The following PAPPA variants were observed in gnomAD, a reference collection of about 807,000 sequenced individuals.
The protein encoded by PAPPA is pappalysin 1, also known as pappalysin-1.
PAPPA carries 60 observed loss-of-function variants against 164.0 expected under a neutral mutation model. The observed-to-expected ratio is 0.37, with a 90% CI of 0.30 to 0.45. The LOEUF is 0.45. Among genes scored for constraint, PAPPA ranks in the 20% least tolerant of loss-of-function variants. PAPPA has a pLI of 1.00. For synonymous variants in PAPPA, 875 were observed against 814.1 expected, an observed-to-expected ratio of 1.07 and a Z score of -1.27; for missense variants, 1,782 against 2,087.3, an observed-to-expected ratio of 0.85 and a Z score of 2.85.
intron 9 of PAPPA, among the ~76,000 whole-genome samples, chr9:116,276,847 C>T (rs745708246): frequency 3.3e-5 from 5 of 152,158 alleles, no homozygotes; most frequent in Non-Finnish European, 5.9e-5. Context: ...TCCCTCCCCT[C>T]CCCTGTGAGG....
intron 6 of PAPPA, among the ~76,000 whole-genome samples, chr9:116,228,564 C>T (rs915238177): frequency 3.9e-5 from 6 of 152,138 alleles, no homozygotes; most frequent in East Asian, 1.9e-4. Context: ...AGTTGAAAAA[C>T]GACGGCACTG....
intron 7 of PAPPA, among the ~76,000 whole-genome samples, chr9:116,258,680 A>G (rs2118796961): frequency 6.6e-6 from 1 of 152,276 alleles, no homozygotes; most frequent in East Asian, 1.9e-4. Context: ...CCCCGAAAAA[A>G]AAAATTATGA....
rs981771498 is a variant in PAPPA at position 116,254,648 on chromosome 9, G to T, written c.2733-11209G>T. Among the ~76,000 whole-genome samples the T allele has an allele frequency of 1.6e-4, 24 of 152,058 alleles. No individual in the cohort carries two copies. The East Asian group carries it at 4.5e-3, about 28-fold the overall frequency. On this transcript the variant is annotated intron_variant, in intron 7 of 21. Coordinates refer to ENST00000328252, the MANE Select transcript of PAPPA (RefSeq NM_002581.5). ...ATACAAAAAATTAGCCGGGCGTGGTGGTGGGCGCCTGTAATCCCAGCTACT... is the reference window on the plus strand; with the variant it reads ...ATACAAAAAATTAGCCGGGCGTGGTTGTGGGCGCCTGTAATCCCAGCTACT...
chr9:116,161,075 G>A (rs180864261), intron 1 of PAPPA, among the ~76,000 whole-genome samples: 4 of 152,298 alleles, frequency 2.6e-5, no homozygotes, highest in East Asian at 1.9e-4. Context: ...CACAGTGCAC[G>A]GGTCAGCATG....
At chr9:116,239,920 T>C (rs1463498840) in intron 7 of PAPPA, among the ~76,000 whole-genome samples, 1 of 152,130 alleles carries the variant, frequency 6.6e-6, no homozygotes, top group Admixed American at 6.5e-5. Context: ...TGTCTTGGTG[T>C]CCAATAACAC....
intron 7 of PAPPA, among the ~76,000 whole-genome samples, chr9:116,254,642 C>A (rs555967729): frequency 6.6e-6 from 1 of 151,688 alleles, no homozygotes; most frequent in East Asian, 2.0e-4. Context: ...ATTAGCCGGG[C>A]GTGGTGGTGG....
intron 14 of PAPPA, among the ~76,000 whole-genome samples, chr9:116,345,393 T>C (rs970122391): frequency 2.7e-5 from 4 of 148,418 alleles, no homozygotes; most frequent in Non-Finnish European, 4.4e-5. Flanking sequence ...GAAATATATG[T>C]AGTAGGCACA....
At chr9:116,367,836 T>C (rs1846522551) in intron 19 of PAPPA, 82 bp downstream of exon 19, 1 of 920,928 alleles carries the variant, frequency 1.1e-6, no homozygotes, top group Non-Finnish European at 1.7e-6. Flanking sequence ...GTCCCGGTTC[T>C]GAGTTCATTC....
intron 1 of PAPPA, among the ~76,000 whole-genome samples, chr9:116,179,257 A>C (rs367664746): frequency 2.0e-5 from 3 of 152,244 alleles, no homozygotes; most frequent in African/African-American, 7.2e-5. Flanking sequence ...CTTTCAGATA[A>C]CAGTTCCTGG....
At chr9:116,220,884 CAA>C (rs370389780) in intron 5 of PAPPA, among the ~76,000 whole-genome samples, 1 of 132,970 alleles carries the variant, frequency 7.5e-6, no homozygotes, top group Non-Finnish European at 1.6e-5. Context: ...AACTCTGTCT[CAA>C]AAAAAAAAGA....
chr9:116,195,740 T>C lies in PAPPA; in HGVS notation c.1478+7524T>C, dbSNP rs567199055. Among the ~76,000 whole-genome samples, 5 of 152,342 alleles carry C rather than the reference T, an allele frequency of 3.3e-5. No homozygotes were observed. The East Asian group carries it at 7.7e-4, about 24-fold the overall frequency. On this transcript the variant is annotated intron_variant, in intron 2 of 21. Transcript: ENST00000328252. ...CGATAGATCTTCTCGCTTCTTATTG[T>C]GCATATCCCGAAATTCTTAGCCCCT...
At position 116,260,784 on chromosome 9, in the gene PAPPA, C is replaced by T. The variant is rs78235449; in HGVS notation, c.2733-5073C>T. The stretch of plus-strand genomic sequence containing the variant: ...GGACAGAAAGAGGAAATGGCTTGTC[C>T]ATGGTCAATGAGTCAACGGTAGTAT... On this transcript the variant is annotated intron_variant, in intron 7 of 21. Coordinates refer to ENST00000328252, the MANE Select transcript of PAPPA (RefSeq NM_002581.5). Among the ~76,000 whole-genome samples, 682 of 152,160 alleles carry T rather than the reference C, an allele frequency of 4.5e-3. 2 individuals carry two copies. Among genetic ancestry groups the T allele is most frequent in the Non-Finnish European group, 7.3e-3 (495 of 68,006 alleles).
intron 5 of PAPPA, among the ~76,000 whole-genome samples, chr9:116,222,090 G>A (rs1490782759): frequency 6.6e-6 from 1 of 152,136 alleles, no homozygotes; most frequent in Non-Finnish European, 1.5e-5. Flanking sequence ...AAATAGAACT[G>A]CCATATAATC....
chr9:116,296,044 C>T (rs1186184179), intron 9 of PAPPA, among the ~76,000 whole-genome samples: 2 of 152,204 alleles, frequency 1.3e-5, no homozygotes, highest in Non-Finnish European at 2.9e-5. Flanking sequence ...TTATCTGTTG[C>T]TCATTCATTG....
chr9:116,398,020 C>T lies in PAPPA; in HGVS notation c.*1404C>T, dbSNP rs185096218. 135 of 153,040 alleles carry T rather than the reference C, an allele frequency of 8.8e-4. No individual in the cohort carries two copies. Among genetic ancestry groups the T allele is most frequent in the Middle Eastern group, 3.4e-3 (1 of 294 alleles). 9.5% of individuals were successfully genotyped at this position (153,040 alleles called of 1,614,324 possible). ...AGCACCAACAACTCAACATGGTCAT[C>T]ATGTTTTCTATATGGTTTTTCCAGC... On this transcript the variant is annotated 3_prime_UTR_variant, in exon 22 of 22. Transcript: ENST00000328252.
At chr9:116,342,639 G>A (rs1404098085) in intron 13 of PAPPA, among the ~76,000 whole-genome samples, 1 of 152,004 alleles carries the variant, frequency 6.6e-6, no homozygotes. Flanking sequence ...TCGTGAAACT[G>A]AGAGAAAACA....
At chr9:116,206,587 G>A (rs1032530261) in intron 2 of PAPPA, among the ~76,000 whole-genome samples, 17 of 152,116 alleles carry the variant, frequency 1.1e-4, no homozygotes, top group African/African-American at 2.9e-4. Context: ...AGCTTTGTGC[G>A]GAGAACTGGG....
intron 9 of PAPPA, among the ~76,000 whole-genome samples, chr9:116,289,795 T>C (rs1158884046): frequency 6.6e-6 from 1 of 152,206 alleles, no homozygotes; most frequent in Non-Finnish European, 1.5e-5. Context: ...GAGTTGCCAT[T>C]CTGTTTTAGA....
At position 116,362,642 on chromosome 9, in the gene PAPPA, C is replaced by T. The variant is rs1275755223; in HGVS notation, c.4398C>T (p.Gly1466=). Residue 1466 remains glycine, a synonymous_variant, in exon 18 of 22, where the codon GGC becomes GGT. Coordinates refer to ENST00000328252, the MANE Select transcript of PAPPA (RefSeq NM_002581.5). The part of the protein sequence containing the change: ...IHCRKDGTWN[G]SFHVCQEMQG... Reference sequence around the variant, plus strand: ...GCCGGAAAGATGGCACCTGGAACGGCTCCTTCCATGTCTGCCAGGAGATGC... The same window carrying T: ...GCCGGAAAGATGGCACCTGGAACGGTTCCTTCCATGTCTGCCAGGAGATGC... 1 of 1,614,126 alleles carries T rather than the reference C, an allele frequency of 6.2e-7. No individual in the cohort carries two copies. Among genetic ancestry groups the T allele is most frequent in the South Asian group, 1.1e-5 (1 of 91,060 alleles).
Sources: allele counts gnomAD v4.1 joint callset (sites outside exome capture counted in the v4.1 genomes callset), GRCh38; gene constraint gnomAD v4.1.1; transcripts MANE v1.5; gene names NCBI Gene and HGNC (gene_info 2026-07-23, HGNC 2026-07-21).